Variants in GALNT17 observed in about 807,000 individuals in gnomAD.
GALNT17 encodes polypeptide N-acetylgalactosaminyltransferase 17, also known as UDP-GalNAc:polypeptide N-acetylgalactosaminyltransferase-like 3.
In GALNT17, 29 loss-of-function variants were observed where a neutral mutation model predicts 63.7. The observed-to-expected ratio is 0.46, with a 90% CI of 0.34 to 0.62. The LOEUF (loss-of-function observed/expected upper bound fraction) is 0.62, where lower values mean the gene tolerates loss of function less well. Among genes scored for constraint, GALNT17 ranks in the 20% least tolerant of loss-of-function variants. GALNT17 has a pLI of 0.01. For synonymous variants in GALNT17, 305 were observed against 318.3 expected (o/e 0.96, Z 0.45); for missense variants, 603 against 799.6 (o/e 0.75, Z 2.97).
chr7:71,154,363 A>G (rs2116226339), intron 1 of GALNT17, among the ~76,000 whole-genome samples: 1 of 152,322 alleles, frequency 6.6e-6, no homozygotes, highest in African/African-American at 2.4e-5. Context: ...CAAGTTGGGC[A>G]GAGACGGGCT....
intron 10 of GALNT17, among the ~76,000 whole-genome samples, chr7:71,711,718 C>T (rs1336490441): frequency 6.8e-6 from 1 of 148,074 alleles, no homozygotes; most frequent in Non-Finnish European, 1.5e-5. Context: ...CTCTCTCTTC[C>T]CTCTTTTTCT....
intron 9 of GALNT17, among the ~76,000 whole-genome samples, chr7:71,679,452 T>A (rs1791203429): frequency 6.6e-6 from 1 of 152,078 alleles, no homozygotes; most frequent in South Asian, 2.1e-4. Context: ...AACTAATATG[T>A]CTTGATTACC....
At position 71,693,157 on chromosome 7, in the gene GALNT17, A is replaced by T. The variant is rs548100026; in HGVS notation, c.1500+15851A>T. ...ACATACTATAAGTATATAAGTATAT[A>T]TTTAAGTATATACTATAATATAAAT... On this transcript the variant is annotated intron_variant, in intron 9 of 10. Coordinates refer to ENST00000333538, the MANE Select transcript of GALNT17 (RefSeq NM_022479.3). 1.1e-3 allele frequency among the ~76,000 whole-genome samples: 172 copies of T among 150,934 alleles called. 2 individuals carry two copies. Among genetic ancestry groups the T allele is most frequent in the African/African-American group, 4.0e-3 (165 of 41,162 alleles).
intron 5 of GALNT17, among the ~76,000 whole-genome samples, chr7:71,462,926 C>T (rs796326252): frequency 1.5e-4 from 23 of 152,262 alleles, no homozygotes; most frequent in African/African-American, 5.1e-4. Context: ...ATGTCTGTTG[C>T]TGGATCCCTA....
intron 5 of GALNT17, among the ~76,000 whole-genome samples, chr7:71,429,885 T>C (rs1786827912): frequency 6.6e-6 from 1 of 152,132 alleles, no homozygotes; most frequent in Non-Finnish European, 1.5e-5. Flanking sequence ...TGTTGTACTT[T>C]TAGTAGAGAT....
intron 6 of GALNT17, among the ~76,000 whole-genome samples, chr7:71,619,227 A>C (rs1266598226): frequency 6.6e-6 from 1 of 152,174 alleles, no homozygotes; most frequent in East Asian, 1.9e-4. Context: ...CAGTAGTGTG[A>C]TACCTCCAGT....
At chr7:71,176,105 C>G (rs559507741) in intron 1 of GALNT17, among the ~76,000 whole-genome samples, 2 of 151,938 alleles carry the variant, frequency 1.3e-5, no homozygotes, top group African/African-American at 4.8e-5. Context: ...CGTGTGGCCT[C>G]GACATGTGGC....
chr7:71,355,171 CT>C (rs1267759078), intron 2 of GALNT17, among the ~76,000 whole-genome samples: 1 of 151,920 alleles, frequency 6.6e-6, no homozygotes, highest in East Asian at 1.9e-4. Flanking sequence ...TTGTATTTTT[CT>C]ATTCTCTGAC....
intron 6 of GALNT17, among the ~76,000 whole-genome samples, chr7:71,659,175 C>G (rs1790870508): frequency 6.6e-6 from 1 of 152,264 alleles, no homozygotes; most frequent in Non-Finnish European, 1.5e-5. Flanking sequence ...CTATTCTCCT[C>G]TCTTCCAGCC....
At chr7:71,700,467 A>T (rs1181306583) in intron 9 of GALNT17, among the ~76,000 whole-genome samples, 1 of 152,120 alleles carries the variant, frequency 6.6e-6, no homozygotes, top group African/African-American at 2.4e-5. Flanking sequence ...CAGTGTGGTC[A>T]GCCTAAAATT....
intron 5 of GALNT17, among the ~76,000 whole-genome samples, chr7:71,483,651 G>A (rs1012662546): frequency 2.6e-5 from 4 of 151,502 alleles, no homozygotes; most frequent in African/African-American, 9.7e-5. Context: ...CACCTCCTGG[G>A]TTCAAGCAAT....
chr7:71,300,704 G>T, intron 1 of GALNT17: 1 of 254,674 alleles, frequency 3.9e-6, no homozygotes, highest in Non-Finnish European at 7.8e-6. Context: ...GCAGAGAAAA[G>T]GGATTTCCAG....
At chr7:71,344,527 A>G (rs1184809840) in intron 2 of GALNT17, among the ~76,000 whole-genome samples, 1 of 152,144 alleles carries the variant, frequency 6.6e-6, no homozygotes, top group Admixed American at 6.6e-5. Flanking sequence ...GTAAAAGATT[A>G]GAGTCAGGAT....
chr7:71,658,810 T>C (rs1250421256), intron 6 of GALNT17, among the ~76,000 whole-genome samples: 1 of 151,746 alleles, frequency 6.6e-6, no homozygotes, highest in Admixed American at 6.6e-5. Context: ...ATAGTTTGAA[T>C]CTGGGAGGCG....
chr7:71,660,796 A>C (rs1026423886), intron 6 of GALNT17, among the ~76,000 whole-genome samples: 2 of 152,152 alleles, frequency 1.3e-5, no homozygotes, highest in East Asian at 1.9e-4. Context: ...TCCATCTGCT[A>C]TGTAGGCCTG....
rs887752885 is a variant in GALNT17, at chr7:71,510,639, G to T, written c.963-60646G>T. On this transcript the variant is annotated intron_variant, in intron 5 of 10. Transcript: ENST00000333538. ...GGGAGACCTCAGGGATGCAGGCCAG[G>T]TCCTGACAGTGTCTCCTTACCAGGC... Among the ~76,000 whole-genome samples, 9 of 152,276 alleles carry T rather than the reference G, an allele frequency of 5.9e-5. No homozygotes were observed. In the East Asian group the frequency reaches 1.7e-3, roughly 29 times the overall value.
intron 1 of GALNT17, among the ~76,000 whole-genome samples, chr7:71,203,417 CTTG>C (rs1388024607): frequency 6.6e-6 from 1 of 152,168 alleles, no homozygotes; most frequent in Non-Finnish European, 1.5e-5. Context: ...TTTTAATATA[CTTG>C]TTGGCCATTT....
At chr7:71,443,452 G>C (rs1444679633) in intron 5 of GALNT17, among the ~76,000 whole-genome samples, 3 of 152,184 alleles carry the variant, frequency 2.0e-5, no homozygotes, top group Non-Finnish European at 2.9e-5. Context: ...CTCATGAATG[G>C]CTTGGTGCCC....
chr7:71,492,153 C>A lies in GALNT17; in HGVS notation c.962+71048C>A, dbSNP rs1312529951. ...AATTAGTCGGGCGTGGTGGCACATG[C>A]CTGTAATCCCAGCTACTCGGGAGGC... On this transcript the variant is annotated intron_variant, in intron 5 of 10. Coordinates refer to ENST00000333538, the MANE Select transcript of GALNT17 (RefSeq NM_022479.3). 2.6e-5 allele frequency among the ~76,000 whole-genome samples: 4 copies of A among 152,160 alleles called. No individual in the cohort carries two copies. In the South Asian group the frequency reaches 6.2e-4, roughly 24 times the overall value.
Sources: gnomAD v4.1 joint callset for allele counts (sites outside exome capture counted in the v4.1 genomes callset) on GRCh38, gnomAD v4.1.1 for gene constraint, MANE v1.5 for transcripts, NCBI Gene and HGNC (gene_info 2026-07-23, HGNC 2026-07-21) for gene names.